TMEM204: variants seen among roughly 807,000 people sequenced by gnomAD.
The protein encoded by TMEM204 is transmembrane protein 204, also known as claudin-like protein 24.
Under a neutral mutation model 19.4 loss-of-function variants are expected in TMEM204, and 15 were observed. The observed-to-expected ratio is 0.77, with a 90% CI of 0.52 to 1.19. The LOEUF (loss-of-function observed/expected upper bound fraction) is 1.19, where lower values mean the gene tolerates loss of function less well. TMEM204 is among the 50% of genes most tolerant of loss of function. The pLI is 0.00. For missense variants in TMEM204, 287 were observed against 321.2 expected (o/e 0.89, Z 0.81); for synonymous variants, 161 against 146.0 (o/e 1.10, Z -0.74).
chr16:1,531,669 GCC>G (rs1394552302), upstream of TMEM204: 1 of 152,262 alleles, frequency 6.6e-6, no homozygotes, highest in Non-Finnish European at 1.5e-5. This position sits in a 1 kb window ranked among gnomAD's most constrained non-coding sequence, Gnocchi z 4.7. Context: ...CAGGCCTTCC[GCC>G]CTCCCGCGCC....
Position 1,554,828 on chromosome 16 carries a change from A to G in TMEM204, c.483A>G (p.Pro161=), listed in dbSNP as rs2032957603. 6.2e-7 allele frequency: 1 copy of G among 1,614,054 alleles called. No homozygotes were observed. The highest frequency in any genetic ancestry group is 8.5e-7 in the Non-Finnish European group (1 of 1,180,044). ...IGLVTFYRIG[P]YTNLSWSCYL... ...TCGTGACTTTCTACAGAATTGGCCC[A>G]TACACCAACCTGTCCTGGTCCTGCT... Residue 161 remains proline (P), a synonymous_variant, in exon 3 of 3, where the codon CCA becomes CCG. Transcript: ENST00000566264.
intron 2 of TMEM204, among the ~76,000 whole-genome samples, chr16:1,549,058 G>T (rs959691553): frequency 6.6e-6 from 1 of 152,204 alleles, no homozygotes; most frequent in Non-Finnish European, 1.5e-5. Flanking sequence ...GTGCTAGGAC[G>T]AGGGCAACGT....
At chr16:1,542,930 G>A (rs933318854) in intron 2 of TMEM204, among the ~76,000 whole-genome samples, 2 of 152,366 alleles carry the variant, frequency 1.3e-5, no homozygotes, top group African/African-American at 4.8e-5. Context: ...TGTCGTCAAC[G>A]ACCTATGGAA....
intron 2 of TMEM204, among the ~76,000 whole-genome samples, chr16:1,552,643 G>A (rs2032750511): frequency 6.9e-6 from 1 of 144,696 alleles, no homozygotes; most frequent in African/African-American, 2.6e-5. Context: ...ATTACAAAGA[G>A]AATGCTTTTT....
rs1024433876 is a variant in TMEM204 at position 1,541,932 on chromosome 16, A to G, written c.292A>G (p.Met98Val). The stretch of plus-strand genomic sequence containing the variant: ...CTCTTGGCCCACAGTGCAGTTCGAC[A>G]TGATGCGCGCCTGCAACCTGGTGGC... ...SRGTVKLQFD[M>V]MRACNLVATA... The change falls in exon 2 of 3, where the codon ATG (methionine) becomes GTG (valine). Residue 98 changes from methionine (M) to valine (V), a missense_variant. Transcript: ENST00000566264. 4 of 1,603,880 alleles carry G rather than the reference A, an allele frequency of 2.5e-6. No individual in the cohort carries two copies. The highest frequency in any genetic ancestry group is 2.7e-5 in the African/African-American group (2 of 74,772).
chr16:1,535,927 C>T (rs72761105), intron 1 of TMEM204, among the ~76,000 whole-genome samples: 12,705 of 152,342 alleles, frequency 0.083, 679 homozygotes, highest in African/African-American at 0.14. Context: ...CGCGTGACTC[C>T]GGCCAGGCGC....
intron 1 of TMEM204, among the ~76,000 whole-genome samples, chr16:1,538,694 A>G (rs2031319089): frequency 6.6e-6 from 1 of 152,234 alleles, no homozygotes; most frequent in Non-Finnish European, 1.5e-5. Context: ...TTAAGAGCAA[A>G]GATGGCACAG....
chr16:1,543,453 C>G (rs776787565), intron 2 of TMEM204, among the ~76,000 whole-genome samples: 1 of 152,218 alleles, frequency 6.6e-6, no homozygotes, highest in South Asian at 2.1e-4. Context: ...CAAGTCACTT[C>G]CCCTGGCGGG....
chr16:1,552,946 C>A, intron 2 of TMEM204: 1 of 984,578 alleles, frequency 1.0e-6, no homozygotes, highest in Non-Finnish European at 1.2e-6. Flanking sequence ...AACCACTGTG[C>A]CTTGTCTAGA....
At chr16:1,542,199 C>A in intron 2 of TMEM204, 123 bp downstream of exon 2, 1 of 1,107,970 alleles carries the variant, frequency 9.0e-7, no homozygotes, top group Non-Finnish European at 1.2e-6. Context: ...CTCAACATGG[C>A]CACAGGCCAC....
Position 1,534,417 on chromosome 16 carries a change from T to A in TMEM204, c.142T>A (p.Ser48Thr). Residue 48 changes from serine to threonine, a missense_variant, in exon 1 of 3, where the codon TCC (serine) becomes ACC (threonine). Coordinates refer to ENST00000566264, the MANE Select transcript of TMEM204 (RefSeq NM_024600.6). ...CAGGCGCAGCGTGGGGCTGTGGAGG[T>A]CCTGCTGGCTGGTGGACAGGACCCG... ...GRRRSVGLWR[S>T]CWLVDRTRGG... The A allele has an allele frequency of 6.2e-7, 1 of 1,612,194 alleles. No individual in the cohort carries two copies. Among genetic ancestry groups the A allele is most frequent in the Non-Finnish European group, 8.5e-7 (1 of 1,179,700 alleles).
At chr16:1,548,290 C>A (rs2032338452) in intron 2 of TMEM204, among the ~76,000 whole-genome samples, 1 of 152,170 alleles carries the variant, frequency 6.6e-6, no homozygotes, top group South Asian at 2.1e-4. Context: ...AGGGGTCAGC[C>A]CTGGGGTCTT....
At position 1,551,212 on chromosome 16, in the gene TMEM204, CGGGG is replaced by C; in HGVS notation, c.437-3569_437-3566del. ...TCAATGGTGGGGCAAGTTCTGGCCC[CGGGG>C]AGCCTGCCCTGTGGCGGGGGAGAGC... On this transcript the variant is annotated intron_variant, in intron 2 of 2. Coordinates refer to ENST00000566264, the MANE Select transcript of TMEM204 (RefSeq NM_024600.6). This position sits in a 1 kb window ranked among gnomAD's most constrained non-coding sequence, Gnocchi z 4.0. Among the ~76,000 whole-genome samples, 1 of 152,354 alleles carries C rather than the reference CGGGG, an allele frequency of 6.6e-6. No individual in the cohort carries two copies. The highest frequency in any genetic ancestry group is 1.5e-5 in the Non-Finnish European group (1 of 68,032).
At chr16:1,552,154 C>A (rs936273336) in intron 2 of TMEM204, among the ~76,000 whole-genome samples, 1 of 152,218 alleles carries the variant, frequency 6.6e-6, no homozygotes, top group South Asian at 2.1e-4. Context: ...CTGTAACACC[C>A]GCAAGTAGAA....
Position 1,553,308 on chromosome 16 carries a change from CTGTCTCTG to C in TMEM204, c.437-1464_437-1457del. The C allele has an allele frequency of 1.0e-6, 1 of 984,622 alleles. No individual in the cohort carries two copies. Among genetic ancestry groups the C allele is most frequent in the Non-Finnish European group, 1.2e-6 (1 of 829,284 alleles). The allele number at this position is 984,622 out of a possible 1,614,324, so 61.0% of individuals were successfully genotyped here. On this transcript the variant is annotated intron_variant, in intron 2 of 2. Transcript: ENST00000566264. The surrounding 1 kb of genome is among the most constrained non-coding windows in gnomAD (Gnocchi z 4.4). The stretch of plus-strand genomic sequence containing the variant: ...TGTCTCTGCCTGTCTCTCTGTGTCT[CTGTCTCTG>C]TGTCTCTGTCCCTGTGTCTCTTTTT...
chr16:1,555,296 C>A lies in TMEM204; in HGVS notation c.*270C>A, dbSNP rs907814912. The A allele has an allele frequency of 3.7e-5, 17 of 460,358 alleles. No homozygotes were observed. The highest frequency in any genetic ancestry group is 4.7e-5 in the Non-Finnish European group (12 of 257,370). 28.5% of individuals were successfully genotyped at this position (460,358 alleles called of 1,614,324 possible). ...GACCACACGCACTTCAGGGTGGAAGCTGGAAGCTGAGACACAGGTTAGGTG... is the reference window on the plus strand; with the variant it reads ...GACCACACGCACTTCAGGGTGGAAGATGGAAGCTGAGACACAGGTTAGGTG... On this transcript the variant is annotated 3_prime_UTR_variant, in exon 3 of 3. Transcript: ENST00000566264.
intron 1 of TMEM204, among the ~76,000 whole-genome samples, chr16:1,536,562 C>T (rs932687997): frequency 1.3e-5 from 2 of 152,330 alleles, no homozygotes; most frequent in East Asian, 3.9e-4. Flanking sequence ...TCCTTGTAAA[C>T]GGGACTCAGC....
rs2033004780 is a variant in TMEM204, at chr16:1,555,316, T to C, written c.*290T>C. The C allele has an allele frequency of 4.7e-6, 2 of 423,456 alleles. No individual in the cohort carries two copies. Among genetic ancestry groups the C allele is most frequent in the Non-Finnish European group, 4.3e-6 (1 of 234,154 alleles). The allele number at this position is 423,456 out of a possible 1,614,324, so 26.2% of individuals were successfully genotyped here. A position where few individuals can be genotyped will look rare whatever the true frequency, so the allele number is the denominator to read the frequency against. ...GGAAGCTGGAAGCTGAGACACAGGTTAGGTGGCGCGAGGCTGCCCTGCGCT... is the reference window on the plus strand; with the variant it reads ...GGAAGCTGGAAGCTGAGACACAGGTCAGGTGGCGCGAGGCTGCCCTGCGCT... On this transcript the variant is annotated 3_prime_UTR_variant, in exon 3 of 3. Transcript: ENST00000566264.
chr16:1,539,960 G>C (rs1410448943), intron 1 of TMEM204, among the ~76,000 whole-genome samples: 3 of 152,190 alleles, frequency 2.0e-5, no homozygotes, highest in South Asian at 2.1e-4. Flanking sequence ...GCCGGAGCGG[G>C]CACAGTGGAA....
Sources: allele counts gnomAD v4.1 joint callset (sites outside exome capture counted in the v4.1 genomes callset), GRCh38; gene constraint gnomAD v4.1.1; non-coding constraint Gnocchi (gnomAD v3.1); transcripts MANE v1.5; gene names NCBI Gene and HGNC (gene_info 2026-07-23, HGNC 2026-07-21).